The following EPHA8 variants were observed in gnomAD, a reference collection of about 807,000 sequenced individuals.
The protein encoded by EPHA8 is EPH receptor A8, also known as ephrin type-A receptor 8.
A neutral mutation model predicts 103.6 loss-of-function variants in EPHA8; 58 were observed. The ratio of observed to expected loss-of-function variants is 0.56; its 90% CI spans 0.45 to 0.70. The LOEUF (loss-of-function observed/expected upper bound fraction) is 0.70. Among genes scored for constraint, EPHA8 ranks in the 30% least tolerant of loss-of-function variants. EPHA8 has a pLI of 0.00. For missense variants in EPHA8, 1,304 were observed against 1,395.2 expected (o/e 0.93, Z 1.04); for synonymous variants, 559 against 572.5 (o/e 0.98, Z 0.34).
chr1:22,595,403 G>A (rs559018026), intron 8 of EPHA8, 80 bp downstream of exon 8: 52 of 1,225,436 alleles, frequency 4.2e-5, no homozygotes, highest in African/African-American at 4.1e-4. Context: ...CCACCGAGCC[G>A]GTGGTCCCCG....
chr1:22,601,233 C>T, intron 15 of EPHA8, 67 bp from the exon 16 acceptor site: 1 of 1,546,016 alleles, frequency 6.5e-7, no homozygotes. Flanking sequence ...CCTTCCTCAG[C>T]CTGCTTCTTC....
rs747974534 is a variant in EPHA8 at position 22,588,908 on chromosome 1, G to A, written c.1017G>A (p.Val339=). 36 of 1,605,168 alleles carry A rather than the reference G, an allele frequency of 2.2e-5. No homozygotes were observed. In the South Asian group the frequency reaches 3.9e-4, roughly 17 times the overall value. ...PSAPVNLISS[V]NGTSVTLEWA... is the part of the protein sequence containing the mutation. The stretch of plus-strand genomic sequence containing the variant: ...CACCAGTGAACCTGATCTCCAGTGT[G>A]AATGGGACATCAGTGACTCTGGAGT... The change falls in exon 5 of 17, where the codon GTG becomes GTA. Residue 339 remains valine, a synonymous_variant. Transcript: ENST00000166244.
At chr1:22,564,556 G>C (rs897075676) in intron 1 of EPHA8, among the ~76,000 whole-genome samples, 2 of 151,994 alleles carry the variant, frequency 1.3e-5, no homozygotes, top group African/African-American at 4.8e-5. Flanking sequence ...AAGGATTGGG[G>C]TGGGGAGGTG....
rs1412050461 is a variant in EPHA8, at chr1:22,589,651, T to C, written c.1315+445T>C. 5 of 1,172,176 alleles carry C rather than the reference T, an allele frequency of 4.3e-6. No individual in the cohort carries two copies. The highest frequency in any genetic ancestry group is 8.8e-5 in the Admixed American group (2 of 22,600). The allele number at this position is 1,172,176 out of a possible 1,614,324, so 72.6% of individuals were successfully genotyped here. ...TCGGATGATCATTTTCCAGAACAGC[T>C]GCTACAGCTGCCCTTGGGATAGACT... On this transcript the variant is annotated intron_variant, in intron 5 of 16. Transcript: ENST00000166244. This position sits in a 1 kb window ranked among gnomAD's most constrained non-coding sequence, Gnocchi z 4.3.
intron 3 of EPHA8, 150 bp from the exon 4 acceptor site, chr1:22,586,330 C>A: frequency 1.1e-6 from 1 of 926,240 alleles, no homozygotes; most frequent in South Asian, 1.7e-5. Context: ...CTGCCCTCTG[C>A]AAATGAGGGC....
In EPHA8 at chr1:22,576,307, C is replaced by T. The variant is rs761730699; in HGVS notation, c.250C>T (p.Leu84=). ...CATGAGCCCCAACCAGAACAACTGG[C>T]TGCGCACGAGCTGGGTCCCCCGAGA... ...NVMSPNQNNW[L]RTSWVPRDGA... Residue 84 remains leucine, a synonymous_variant, in exon 3 of 17, where the codon CTG becomes TTG. Transcript: ENST00000166244. This position sits in a 1 kb window ranked among gnomAD's most constrained non-coding sequence, Gnocchi z 4.8. 1.2e-6 allele frequency: 2 copies of T among 1,613,928 alleles called. No individual in the cohort carries two copies. The highest frequency in any genetic ancestry group is 1.7e-6 in the Non-Finnish European group (2 of 1,180,040).
intron 3 of EPHA8, among the ~76,000 whole-genome samples, chr1:22,580,761 G>C (rs1641022795): frequency 6.6e-6 from 1 of 152,246 alleles, no homozygotes; most frequent in African/African-American, 2.4e-5. Flanking sequence ...CCATTTTACA[G>C]ATGGGGAAGC....
At chr1:22,582,004 C>A (rs1444194787) in intron 3 of EPHA8, among the ~76,000 whole-genome samples, 1 of 152,208 alleles carries the variant, frequency 6.6e-6, no homozygotes, top group African/African-American at 2.4e-5. Flanking sequence ...CCCCTTTCTA[C>A]CCCTGGAGAA....
At chr1:22,600,625 C>T in intron 13 of EPHA8, 36 bp from the exon 14 acceptor site, 1 of 1,608,514 alleles carries the variant, frequency 6.2e-7, no homozygotes, top group Non-Finnish European at 8.5e-7. Context: ...CCTGCCAGGC[C>T]TGGGCAGCCC....
In EPHA8 at chr1:22,579,108, T is replaced by G. The variant is rs532973417; in HGVS notation, c.823+2228T>G. Among the ~76,000 whole-genome samples the G allele has an allele frequency of 9.3e-3, 1,366 of 146,434 alleles. 23 individuals are homozygous for G. The highest frequency in any genetic ancestry group is 0.033 in the African/African-American group (1,271 of 38,052). On this transcript the variant is annotated intron_variant, in intron 3 of 16. Transcript: ENST00000166244. ...ACGTGCATGTGTGCATGTGTATGTGTGCATGTGTACGTGTATGTGTGCATG... is the reference window on the plus strand; with the variant it reads ...ACGTGCATGTGTGCATGTGTATGTGGGCATGTGTACGTGTATGTGTGCATG...
Position 22,586,642 on chromosome 1 carries a change from A to C in EPHA8, c.979+7A>C, listed in dbSNP as rs190763552. ...CCGTCCTCAGCCTGCACCCGTGAGT[A>C]CCACTCCGAGATGCCAGTACCCTTG... On this transcript the variant is annotated splice_region_variant and intron_variant, in intron 4 of 16. Transcript: ENST00000166244. 6.2e-7 allele frequency: 1 copy of C among 1,613,164 alleles called. No individual in the cohort carries two copies. Among genetic ancestry groups the C allele is most frequent in the Non-Finnish European group, 8.5e-7 (1 of 1,179,570 alleles).
intron 2 of EPHA8, among the ~76,000 whole-genome samples, chr1:22,571,436 G>A (rs1001994127): frequency 4.6e-5 from 7 of 152,136 alleles, no homozygotes; most frequent in Non-Finnish European, 8.8e-5. Context: ...ATGGCAAGCT[G>A]GGACTCAAAC....
At chr1:22,571,755 T>G (rs1345979209) in intron 2 of EPHA8, among the ~76,000 whole-genome samples, 1 of 152,118 alleles carries the variant, frequency 6.6e-6, no homozygotes, top group East Asian at 1.9e-4. Context: ...TCTGTTTAAT[T>G]AGCTTTCCAG....
At chr1:22,578,166 GTA>G (rs1247129421) in intron 3 of EPHA8, among the ~76,000 whole-genome samples, 26 of 107,850 alleles carry the variant, frequency 2.4e-4, no homozygotes, top group South Asian at 3.9e-4. Flanking sequence ...GTGCATGAGT[GTA>G]TGTGTGCATG....
rs1023539465 is a variant in EPHA8, at chr1:22,589,389, A to G, written c.1315+183A>G. On this transcript the variant is annotated intron_variant, in intron 5 of 16. Transcript: ENST00000166244. The surrounding 1 kb of genome is among the most constrained non-coding windows in gnomAD (Gnocchi z 4.3). Reference sequence around the variant, plus strand: ...TCTTCATTGCCTTTAGAAAAGTGGAACACATTCTATAAGTAAGAGAAATCC... The same window carrying G: ...TCTTCATTGCCTTTAGAAAAGTGGAGCACATTCTATAAGTAAGAGAAATCC... 6 of 1,533,104 alleles carry G rather than the reference A, an allele frequency of 3.9e-6. No homozygotes were observed. In the African/African-American group the frequency reaches 5.5e-5, roughly 14 times the overall value. 95.0% of individuals were successfully genotyped at this position (1,533,104 alleles called of 1,614,324 possible).
intron 5 of EPHA8, among the ~76,000 whole-genome samples, chr1:22,590,645 G>A (rs973188388): frequency 1.2e-4 from 18 of 152,138 alleles, no homozygotes; most frequent in African/African-American, 3.9e-4. Flanking sequence ...TCCTTTAAAT[G>A]GCCTCTAAAG....
Position 22,597,568 on chromosome 1 carries a change from G to A in EPHA8, c.1930+92G>A. On this transcript the variant is annotated intron_variant, in intron 10 of 16. Coordinates refer to ENST00000166244, the MANE Select transcript of EPHA8 (RefSeq NM_020526.5). The surrounding 1 kb of genome is among the most constrained non-coding windows in gnomAD (Gnocchi z 4.6). ...GGGGCACCCAGGGCAGAGGGAGCGT[G>A]TGACCCAGGGGTCTGGCAAGCCCAG... is the stretch of plus-strand genomic sequence containing the variant. 1 of 1,562,818 alleles carries A rather than the reference G, an allele frequency of 6.4e-7. No homozygotes were observed. Among genetic ancestry groups the A allele is most frequent in the Non-Finnish European group, 8.7e-7 (1 of 1,153,100 alleles).
intron 3 of EPHA8, among the ~76,000 whole-genome samples, chr1:22,579,235 G>T (rs552830535): frequency 1.3e-5 from 2 of 151,936 alleles, no homozygotes; most frequent in Admixed American, 1.3e-4. Context: ...GCATGTGTGT[G>T]CATGTGAGTA....
chr1:22,593,644 G>C lies in EPHA8; in HGVS notation c.1561G>C (p.Gly521Arg). The change falls in exon 7 of 17, where the codon GGC becomes CGC. Residue 521 changes from glycine (G) to arginine (R), a missense_variant. Transcript: ENST00000166244. ...QVRARTSAGC[G>R]RFSQAMEVET... ...CCGAGCCCGCACCTCAGCAGGCTGT[G>C]GCCGCTTCAGCCAGGCCATGGAGGT... The C allele has an allele frequency of 6.2e-7, 1 of 1,606,406 alleles. No homozygotes were observed.
Sources: gnomAD v4.1 joint callset for allele counts (sites outside exome capture counted in the v4.1 genomes callset) on GRCh38, gnomAD v4.1.1 for gene constraint, Gnocchi (gnomAD v3.1) non-coding constraint, MANE v1.5 for transcripts, NCBI Gene and HGNC (gene_info 2026-07-23, HGNC 2026-07-21) for gene names.